The following NLRP5 variants were observed in gnomAD, a reference collection of about 807,000 sequenced individuals.
NLRP5 encodes NLR family pyrin domain containing 5, also known as NACHT, LRR and PYD domains-containing protein 5.
A neutral mutation model predicts 113.1 loss-of-function variants in NLRP5; 93 were observed. The observed-to-expected ratio is 0.82, with a 90% CI of 0.70 to 0.98. The LOEUF (loss-of-function observed/expected upper bound fraction) is 0.98. Ranked by LOEUF, NLRP5 falls within the 50% of genes least tolerant of loss-of-function variation. NLRP5 has a pLI of 0.00. For missense variants in NLRP5, 1,808 were observed against 1,514.3 expected, an observed-to-expected ratio of 1.19 and a Z score of -3.22; for synonymous variants, 751 against 600.7, an observed-to-expected ratio of 1.25 and a Z score of -3.66.
intron 11 of NLRP5, among the ~76,000 whole-genome samples, chr19:56,043,400 C>G (rs997634433): frequency 3.9e-5 from 6 of 151,902 alleles, no homozygotes; most frequent in African/African-American, 1.5e-4. Flanking sequence ...ATTTGTATAT[C>G]TTGAGAATTG....
chr19:56,010,742 CAAA>C (rs1412317286), intron 3 of NLRP5, among the ~76,000 whole-genome samples: 1 of 41,278 alleles, frequency 2.4e-5, no homozygotes, highest in Admixed American at 3.1e-4. Context: ...AACTCTGTCT[CAAA>C]AAAAAAAAAA....
intron 9 of NLRP5, among the ~76,000 whole-genome samples, chr19:56,037,212 C>T (rs554064972): frequency 4.6e-5 from 7 of 152,194 alleles, no homozygotes; most frequent in Non-Finnish European, 8.8e-5. Flanking sequence ...GTTCCTCTTT[C>T]GTAAATACTG....
intron 13 of NLRP5, among the ~76,000 whole-genome samples, chr19:56,056,888 C>T (rs892492704): frequency 1.3e-5 from 2 of 152,128 alleles, no homozygotes; most frequent in African/African-American, 4.8e-5. Flanking sequence ...GCCTGTAATC[C>T]CAGCACTTTG....
At position 56,027,985 on chromosome 19, in the gene NLRP5, C is replaced by T; in HGVS notation, c.1752C>T (p.His584=). ...GTGAGGAGTACTACACCTTCTTCCACCTCAGTCTCCAGGACTTCTGTGCCG... is the reference window on the plus strand; with the variant it reads ...GTGAGGAGTACTACACCTTCTTCCATCTCAGTCTCCAGGACTTCTGTGCCG... Residue 584 remains histidine (H), a synonymous_variant, in exon 7 of 15, where the codon CAC becomes CAT. Transcript: ENST00000390649. 39 of 1,614,002 alleles carry T rather than the reference C, an allele frequency of 2.4e-5. No individual in the cohort carries two copies. The highest frequency in any genetic ancestry group is 3.3e-5 in the Non-Finnish European group (39 of 1,179,880).
chr19:56,058,441 C>T (rs374191394), intron 14 of NLRP5, 31 bp downstream of exon 14: 6 of 1,576,250 alleles, frequency 3.8e-6, no homozygotes, highest in Non-Finnish European at 5.2e-6. Flanking sequence ...TTCTGAGATA[C>T]AGACCTGCTT....
intron 5 of NLRP5, 78 bp downstream of exon 5, chr19:56,019,476 C>G: frequency 6.9e-7 from 1 of 1,458,070 alleles, no homozygotes; most frequent in Non-Finnish European, 9.6e-7. Context: ...GTTTAGATTT[C>G]AAGGGTATGT....
At position 56,005,398 on chromosome 19, in the gene NLRP5, CACAT is replaced by C. The variant is rs1367802688; in HGVS notation, c.442+1305_442+1308del. 4.0e-5 allele frequency among the ~76,000 whole-genome samples: 6 copies of C among 148,346 alleles called. No individual in the cohort carries two copies. The South Asian group carries it at 6.3e-4, about 15-fold the overall frequency. On this transcript the variant is annotated intron_variant, in intron 2 of 14. Transcript: ENST00000390649. Reference sequence around the variant, plus strand: ...ATATATTTATATATACATATACACACACATATACACATATATTTTTATATATACA... The same window carrying C: ...ATATATTTATATATACATATACACACATACACATATATTTTTATATATACA...
At chr19:56,024,362 A>AAT (rs776192567) in intron 6 of NLRP5, among the ~76,000 whole-genome samples, 5,957 of 140,568 alleles carry the variant, frequency 0.042, 179 homozygotes, top group South Asian at 0.066. Flanking sequence ...AAAAAGAACA[A>AAT]ATATATATAT....
intron 6 of NLRP5, among the ~76,000 whole-genome samples, chr19:56,024,469 A>G (rs182980373): frequency 6.7e-6 from 1 of 148,200 alleles, no homozygotes; most frequent in East Asian, 2.0e-4. Flanking sequence ...ATACATATAT[A>G]CGTGTGTATA....
intron 3 of NLRP5, among the ~76,000 whole-genome samples, chr19:56,013,561 G>A (rs937964858): frequency 1.7e-5 from 2 of 117,154 alleles, no homozygotes; most frequent in Non-Finnish European, 3.5e-5. Flanking sequence ...TATATATACC[G>A]CTTCTTGTTC....
chr19:56,032,320 G>A (rs1292342872), intron 7 of NLRP5, among the ~76,000 whole-genome samples: 1 of 151,646 alleles, frequency 6.6e-6, no homozygotes, highest in Non-Finnish European at 1.5e-5. Context: ...GCTCCAGCCT[G>A]GGCAACGGAG....
chr19:56,024,435 A>ATG (rs1568489441), intron 6 of NLRP5, among the ~76,000 whole-genome samples: 6 of 145,624 alleles, frequency 4.1e-5, no homozygotes, highest in African/African-American at 1.5e-4. Context: ...ATATACACAT[A>ATG]TACATATATT....
chr19:56,024,584 T>TATAC (rs1568489675), intron 6 of NLRP5, among the ~76,000 whole-genome samples: 1 of 147,314 alleles, frequency 6.8e-6, no homozygotes, highest in East Asian at 2.0e-4. Context: ...TATATATACA[T>TATAC]ACACACACAC....
At chr19:56,033,110 G>A (rs576306890) in intron 8 of NLRP5, among the ~76,000 whole-genome samples, 19 of 152,260 alleles carry the variant, frequency 1.2e-4, no homozygotes, top group African/African-American at 4.1e-4. Flanking sequence ...AATTAGCAGG[G>A]CATGGTGGTA....
intron 7 of NLRP5, among the ~76,000 whole-genome samples, chr19:56,030,924 G>A (rs1250774535): frequency 1.3e-5 from 2 of 151,740 alleles, no homozygotes; most frequent in Non-Finnish European, 2.9e-5. Context: ...ATATTGGCCA[G>A]GCTGGTCTTG....
the NLRP5 span, chr19:55,987,992 C>CTGTA: frequency 9.4e-7 from 1 of 1,064,924 alleles, no homozygotes. Flanking sequence ...CGTTATCATC[C>CTGTA]TGTATGCATT....
At chr19:55,998,762 C>T (rs955733425), upstream of NLRP5, among the ~76,000 whole-genome samples, 1 of 101,150 alleles carries the variant, frequency 9.9e-6, no homozygotes, top group Non-Finnish European at 2.0e-5. Flanking sequence ...TTTAGCCTCA[C>T]CTGCAGATTC....
At chr19:56,059,056 T>C (rs1050779119) in intron 14 of NLRP5, among the ~76,000 whole-genome samples, 6 of 151,728 alleles carry the variant, frequency 4.0e-5, no homozygotes, top group African/African-American at 1.2e-4. Context: ...GGGTGAGGGG[T>C]TGGGGAGTTG....
rs1491011983 is a variant in NLRP5, at chr19:56,055,533, C to CTTTTTTTTTTTTT, written c.3299+1726_3299+1727insTTTTTTTTTTTTT. On this transcript the variant is annotated intron_variant, in intron 13 of 14. Transcript: ENST00000390649. ...AGCTCCATGTTCTATTTTTCTTTCT[C>CTTTTTTTTTTTTT]TGTCTTTTTTTTTTTTTTTTTTTTT... Among the ~76,000 whole-genome samples, 63 of 99,538 alleles carry CTTTTTTTTTTTTT rather than the reference C, an allele frequency of 6.3e-4. 7 individuals carry two copies. Among genetic ancestry groups the CTTTTTTTTTTTTT allele is most frequent in the Non-Finnish European group, 9.7e-4 (47 of 48,256 alleles). 65.3% of individuals were successfully genotyped at this position (99,538 alleles called of 152,430 possible). A position where few individuals can be genotyped will look rare whatever the true frequency, so the allele number is the denominator to read the frequency against.
Sources: gnomAD v4.1 joint callset for allele counts (sites outside exome capture counted in the v4.1 genomes callset) on GRCh38, gnomAD v4.1.1 for gene constraint, MANE v1.5 for transcripts, NCBI Gene and HGNC (gene_info 2026-07-23, HGNC 2026-07-21) for gene names.